DNAH7: variants seen among roughly 807,000 people sequenced by gnomAD.
DNAH7 encodes axonemal beta dynein heavy chain 7.
In DNAH7, 397 loss-of-function variants were observed where a neutral mutation model predicts 444.6. The observed-to-expected ratio is 0.89, with a 90% confidence interval of 0.82 to 0.97. DNAH7 has a LOEUF of 0.97. Among genes scored for constraint, DNAH7 ranks in the 50% least tolerant of loss-of-function variants. The pLI is 0.00. For synonymous variants in DNAH7, 1,636 were observed against 1,624.4 expected, an observed-to-expected ratio of 1.01 and a Z score of -0.17; for missense variants, 4,902 against 4,800.8, an observed-to-expected ratio of 1.02 and a Z score of -0.62.
rs1356246633 is a variant in DNAH7, at chr2:195,808,850, C to T, written c.9915G>A (p.Leu3305=). The change falls in exon 53 of 65, where the codon CTG becomes CTA. Residue 3305 remains leucine (L), a synonymous_variant. Coordinates refer to ENST00000312428, the MANE Select transcript of DNAH7 (RefSeq NM_018897.3). ...TATCCAGTCCAATGCCACCAGTTAG[C>T]AGAAATCTCCACTCAGCTTTATTAA... ...RAINKAEWRF[L]LTGGIGLDNP... is the part of the protein sequence containing the mutation. The T allele has an allele frequency of 1.9e-6, 3 of 1,613,386 alleles. No individual in the cohort carries two copies. Among genetic ancestry groups the T allele is most frequent in the Non-Finnish European group, 2.5e-6 (3 of 1,179,776 alleles).
chr2:196,049,173 T>C (rs1697318294), intron 3 of DNAH7, among the ~76,000 whole-genome samples: 1 of 152,216 alleles, frequency 6.6e-6, no homozygotes, highest in Admixed American at 6.5e-5. Context: ...AAAGTCCATG[T>C]CTGTACTGGC....
Position 195,923,737 on chromosome 2 carries a change from A to C in DNAH7, c.3683T>G (p.Leu1228Trp). 6.2e-7 allele frequency: 1 copy of C among 1,614,150 alleles called. No individual in the cohort carries two copies. Among genetic ancestry groups the C allele is most frequent in the Non-Finnish European group, 8.5e-7 (1 of 1,180,020 alleles). Reference sequence around the variant, plus strand: ...CAGAGTTACGCGATTCTGCATGGACAATTTGCCACGCACCAAAGTGACAAT... The same window carrying C: ...CAGAGTTACGCGATTCTGCATGGACCATTTGCCACGCACCAAAGTGACAAT... ...DDIVTLVRGK[L>W]SMQNRVTLGA... Residue 1228 changes from leucine (L) to tryptophan (W), a missense_variant, in exon 23 of 65, where the codon TTG (leucine) becomes TGG (tryptophan). Physicochemically the swap from Leu to Trp is moderately conservative, Grantham distance 61 (BLOSUM62 -2). Coordinates refer to ENST00000312428, the MANE Select transcript of DNAH7 (RefSeq NM_018897.3).
At chr2:196,021,206 A>G (rs188436649) in intron 8 of DNAH7, among the ~76,000 whole-genome samples, 7 of 152,266 alleles carry the variant, frequency 4.6e-5, no homozygotes, top group Admixed American at 3.3e-4. Context: ...TAAAAAACCT[A>G]TATCATATTC....
intron 63 of DNAH7, among the ~76,000 whole-genome samples, chr2:195,744,792 G>A (rs544031664): frequency 1.3e-5 from 2 of 152,324 alleles, no homozygotes; most frequent in East Asian, 3.9e-4. Context: ...GCAGCTGAGG[G>A]TCCTGTCTGT....
chr2:195,933,233 T>C (rs1254317696), intron 21 of DNAH7, among the ~76,000 whole-genome samples: 1 of 152,112 alleles, frequency 6.6e-6, no homozygotes, highest in Non-Finnish European at 1.5e-5. Flanking sequence ...ATGGCGATCA[T>C]TAAAAAGTCA....
chr2:195,957,527 G>C, intron 18 of DNAH7, 80 bp from the exon 19 acceptor site: 1 of 1,135,754 alleles, frequency 8.8e-7, no homozygotes, highest in African/African-American at 1.6e-5. Context: ...ACCACAACTA[G>C]GTTGTCAATG....
chr2:195,967,162 A>G (rs901410989), intron 17 of DNAH7, among the ~76,000 whole-genome samples: 8 of 152,148 alleles, frequency 5.3e-5, no homozygotes, highest in African/African-American at 1.9e-4. Flanking sequence ...AAGCTTGAAA[A>G]TAATATCTTA....
At chr2:195,841,562 C>A (rs111355870) in intron 47 of DNAH7, among the ~76,000 whole-genome samples, 444 of 152,006 alleles carry the variant, frequency 2.9e-3, no homozygotes, top group African/African-American at 9.9e-3. Context: ...TTGTGGAAAG[C>A]TGTATGCAAC....
At chr2:195,772,735 T>A (rs527715333) in intron 60 of DNAH7, among the ~76,000 whole-genome samples, 2 of 152,172 alleles carry the variant, frequency 1.3e-5, no homozygotes, top group East Asian at 1.9e-4. Context: ...TTAACTTTTT[T>A]ATTGTTTTTT....
chr2:195,906,812 C>G (rs778959228), intron 26 of DNAH7, 26 bp from the exon 27 acceptor site: 4 of 1,612,162 alleles, frequency 2.5e-6, no homozygotes, highest in Non-Finnish European at 3.4e-6. Context: ...AATGAAATGA[C>G]TTAGTAATAC....
In DNAH7 at chr2:195,744,253, G is replaced by A. The variant is rs150431044; in HGVS notation, c.11765-3384C>T. ...GAGGGGCCTACGCCCACGGAGTCTC[G>A]CTGATTGCTAGCACAGCAGTCTGAG... On this transcript the variant is annotated intron_variant, in intron 63 of 64. Transcript: ENST00000312428. Among the ~76,000 whole-genome samples the A allele has an allele frequency of 9.3e-3, 1,410 of 152,302 alleles. 22 individuals carry two copies. The highest frequency in any genetic ancestry group is 0.031 in the African/African-American group (1,294 of 41,570).
intron 21 of DNAH7, among the ~76,000 whole-genome samples, chr2:195,934,069 C>T (rs921067173): frequency 9.3e-5 from 14 of 150,170 alleles, no homozygotes; most frequent in Non-Finnish European, 1.8e-4. Flanking sequence ...CCTTGAAATT[C>T]TCTACCAACA....
At chr2:195,827,400 C>T (rs1483781515) in intron 48 of DNAH7, among the ~76,000 whole-genome samples, 2 of 151,858 alleles carry the variant, frequency 1.3e-5, no homozygotes, top group South Asian at 4.2e-4. Flanking sequence ...ACCTCAGCCT[C>T]CTGGGTAGCT....
intron 53 of DNAH7, among the ~76,000 whole-genome samples, chr2:195,807,563 T>C (rs556439967): frequency 6.6e-6 from 1 of 152,334 alleles, no homozygotes; most frequent in East Asian, 1.9e-4. Context: ...TGAAATTTAT[T>C]GTATTATTTC....
intron 48 of DNAH7, among the ~76,000 whole-genome samples, chr2:195,830,279 G>A (rs1461270352): frequency 2.0e-5 from 3 of 152,102 alleles, no homozygotes; most frequent in Non-Finnish European, 4.4e-5. Flanking sequence ...TTTGAGTAAG[G>A]CAGATCATCA....
In DNAH7 at chr2:195,787,154, C is replaced by T. The variant is rs765697013; in HGVS notation, c.10734G>A (p.Leu3578=). 12 of 1,600,218 alleles carry T rather than the reference C, an allele frequency of 7.5e-6. No homozygotes were observed. The highest frequency in any genetic ancestry group is 1.0e-5 in the Non-Finnish European group (12 of 1,176,388). ...CATGAAAGAAACACAGGCCATAAAGCAATTTCTTGAATTCCTCCTGTAATG... is the reference window on the plus strand; with the variant it reads ...CATGAAAGAAACACAGGCCATAAAGTAATTTCTTGAATTCCTCCTGTAATG... ...SCKKPEEFKK[L]LYGLCFFHAL... The change falls in exon 58 of 65, where the codon TTG becomes TTA. Residue 3578 remains leucine (L), a synonymous_variant. Transcript: ENST00000312428.
At chr2:196,004,144 A>C (rs1168787980) in intron 10 of DNAH7, among the ~76,000 whole-genome samples, 1 of 152,250 alleles carries the variant, frequency 6.6e-6, no homozygotes, top group African/African-American at 2.4e-5. Flanking sequence ...ATTAAGAAAT[A>C]TGGACTTACT....
At chr2:195,785,164 G>A (rs1261094183) in intron 58 of DNAH7, among the ~76,000 whole-genome samples, 1 of 152,126 alleles carries the variant, frequency 6.6e-6, no homozygotes, top group African/African-American at 2.4e-5. Flanking sequence ...GCCTGCCTTG[G>A]CCTCCCAAAG....
chr2:195,900,095 C>T (rs1184002866), intron 28 of DNAH7, among the ~76,000 whole-genome samples, 187 bp downstream of exon 28: 1 of 152,024 alleles, frequency 6.6e-6, no homozygotes, highest in South Asian at 2.1e-4. Context: ...AAGAATTACA[C>T]GTGTAAGGTT....
Sources: gnomAD v4.1 joint callset for allele counts (sites outside exome capture counted in the v4.1 genomes callset) on GRCh38, gnomAD v4.1.1 for gene constraint, MANE v1.5 for transcripts, NCBI Gene and HGNC (gene_info 2026-07-23, HGNC 2026-07-21) for gene names.